The following TMPRSS11F variants were observed in gnomAD, a reference collection of about 807,000 sequenced individuals.
TMPRSS11F encodes the protein transmembrane serine protease 11F, also known as transmembrane protease serine 11F.
In TMPRSS11F, 47 loss-of-function variants were observed where a neutral mutation model predicts 60.2. That is an observed-to-expected ratio of 0.78 (90% CI 0.62 to 1.00). TMPRSS11F has a LOEUF of 1.00. Among genes scored for constraint, TMPRSS11F ranks in the 50% least tolerant of loss-of-function variants. The pLI is 0.00. For synonymous variants in TMPRSS11F, 166 were observed against 167.3 expected (o/e 0.99, Z 0.06); for missense variants, 519 against 522.9 (o/e 0.99, Z 0.07).
chr4:68,091,763 CTCTCTCTCTCTCTCTCTCTCTATCTA>C (rs1238639624), intron 2 of TMPRSS11F, among the ~76,000 whole-genome samples: 5 of 39,180 alleles, frequency 1.3e-4, no homozygotes, highest in Admixed American at 4.0e-4. Context: ...CTCTCTCTCT[CTCTCTCTCTCTCTCTCTCTCTATCTA>C]TCTATCTATC....
chr4:68,108,021 A>G (rs1724337595), intron 1 of TMPRSS11F, among the ~76,000 whole-genome samples: 1 of 152,200 alleles, frequency 6.6e-6, no homozygotes, highest in Non-Finnish European at 1.5e-5. Context: ...TGGATAATAC[A>G]CTGGATGGAG....
intron 3 of TMPRSS11F, among the ~76,000 whole-genome samples, chr4:68,074,991 T>A (rs1022033264): frequency 6.6e-6 from 1 of 152,090 alleles, no homozygotes; most frequent in Non-Finnish European, 1.5e-5. Context: ...AATAAATAGA[T>A]TAAAAAATTT....
intron 1 of TMPRSS11F, among the ~76,000 whole-genome samples, chr4:68,102,980 AGTT>A (rs1239805191): frequency 1.3e-5 from 1 of 79,910 alleles, no homozygotes; most frequent in Non-Finnish European, 2.6e-5. Context: ...TCCAATTTTG[AGTT>A]GTTTTTTTTT....
chr4:68,095,031 G>T (rs555624798), intron 2 of TMPRSS11F, among the ~76,000 whole-genome samples: 1 of 151,942 alleles, frequency 6.6e-6, no homozygotes, highest in African/African-American at 2.4e-5. Flanking sequence ...TTCAGTGTTT[G>T]AATTTTTTTA....
At chr4:68,063,914 G>A (rs1035763174) in intron 8 of TMPRSS11F, among the ~76,000 whole-genome samples, 4 of 151,908 alleles carry the variant, frequency 2.6e-5, no homozygotes, top group African/African-American at 9.7e-5. Flanking sequence ...AATAAACAAA[G>A]GAAAAAGCTA....
chr4:68,063,356 CTCTT>C (rs1577911016), intron 8 of TMPRSS11F: 5 of 436,582 alleles, frequency 1.1e-5, no homozygotes, highest in East Asian at 1.1e-4. Context: ...ATCTTTTTCT[CTCTT>C]TTTTTTTGTT....
intron 9 of TMPRSS11F, among the ~76,000 whole-genome samples, chr4:68,054,360 T>C (rs908559908): frequency 3.3e-5 from 5 of 152,156 alleles, no homozygotes; most frequent in African/African-American, 1.2e-4. Flanking sequence ...GTTTAGTAAC[T>C]ATGTATATAA....
chr4:68,079,310 T>A (rs1460882656), intron 3 of TMPRSS11F, among the ~76,000 whole-genome samples: 1 of 152,046 alleles, frequency 6.6e-6, no homozygotes, highest in Admixed American at 6.6e-5. Context: ...CATCTTTAGA[T>A]CTTGTGTTAA....
At chr4:68,123,989 G>A (rs1724669126) in intron 1 of TMPRSS11F, among the ~76,000 whole-genome samples, 1 of 152,150 alleles carries the variant, frequency 6.6e-6, no homozygotes, top group African/African-American at 2.4e-5. Context: ...GGGAGGCGGA[G>A]GCAGGTAGAT....
At chr4:68,091,768 T>TCA (rs1393168031) in intron 2 of TMPRSS11F, among the ~76,000 whole-genome samples, 1 of 114,544 alleles carries the variant, frequency 8.7e-6, no homozygotes, top group African/African-American at 3.3e-5. Context: ...TCTCTCTCTC[T>TCA]CTCTCTCTCT....
intron 5 of TMPRSS11F, among the ~76,000 whole-genome samples, chr4:68,070,412 G>A (rs1331382987): frequency 6.6e-6 from 1 of 152,140 alleles, no homozygotes; most frequent in Non-Finnish European, 1.5e-5. Flanking sequence ...ATTCCTAATG[G>A]CCAGTCAGAA....
intron 1 of TMPRSS11F, among the ~76,000 whole-genome samples, chr4:68,108,957 A>G (rs1453401895): frequency 6.6e-6 from 1 of 152,162 alleles, no homozygotes; most frequent in African/African-American, 2.4e-5. Flanking sequence ...CACCAATACT[A>G]ACATCCACTT....
intron 9 of TMPRSS11F, among the ~76,000 whole-genome samples, chr4:68,058,356 T>C (rs1723088293): frequency 1.3e-5 from 2 of 152,078 alleles, no homozygotes; most frequent in African/African-American, 4.8e-5. Context: ...TTATGATTTA[T>C]CAATAAAAAA....
chr4:68,059,492 A>C, intron 8 of TMPRSS11F, 24 bp from the exon 9 acceptor site: 1 of 1,604,744 alleles, frequency 6.2e-7, no homozygotes, highest in Non-Finnish European at 8.5e-7. Context: ...GGATAAAAAA[A>C]CAAATAAACA....
At chr4:68,105,049 GTTTTTTT>G (rs34041075) in intron 1 of TMPRSS11F, among the ~76,000 whole-genome samples, 3 of 55,168 alleles carry the variant, frequency 5.4e-5, no homozygotes, top group African/African-American at 7.7e-5. Context: ...TTCCCTCTAG[GTTTTTTT>G]TTTTTTTTTT....
intron 1 of TMPRSS11F, among the ~76,000 whole-genome samples, chr4:68,106,691 G>T (rs561097890): frequency 3.8e-4 from 58 of 152,252 alleles, no homozygotes; most frequent in African/African-American, 1.3e-3. Context: ...AATGAAGAAA[G>T]GTGAAATTGT....
At chr4:68,109,922 T>C (rs1214569123) in intron 1 of TMPRSS11F, among the ~76,000 whole-genome samples, 1 of 152,192 alleles carries the variant, frequency 6.6e-6, no homozygotes, top group African/African-American at 2.4e-5. Context: ...ACTAAAGAAA[T>C]GTAAACAACA....
chr4:68,099,543 C>T (rs1245496251), intron 1 of TMPRSS11F, among the ~76,000 whole-genome samples: 1 of 152,104 alleles, frequency 6.6e-6, no homozygotes, highest in African/African-American at 2.4e-5. Context: ...TCACATGACC[C>T]CACTGGTGCA....
intron 1 of TMPRSS11F, among the ~76,000 whole-genome samples, chr4:68,113,730 C>T (rs1334932128): frequency 6.6e-6 from 1 of 152,014 alleles, no homozygotes; most frequent in Non-Finnish European, 1.5e-5. Flanking sequence ...ATAAAGTAGA[C>T]AAAAATTGAT....
Sources: gnomAD v4.1 joint callset for allele counts (sites outside exome capture counted in the v4.1 genomes callset) on GRCh38, gnomAD v4.1.1 for gene constraint, MANE v1.5 for transcripts, NCBI Gene and HGNC (gene_info 2026-07-23, HGNC 2026-07-21) for gene names.